The following SLC6A2 variants were observed in gnomAD, a reference collection of about 807,000 sequenced individuals.
SLC6A2 encodes the protein solute carrier family 6 member 2, also known as sodium-dependent noradrenaline transporter.
In SLC6A2, 26 loss-of-function variants were observed where a neutral mutation model predicts 71.7. That is an observed-to-expected ratio of 0.36 (90% CI 0.27 to 0.50). The LOEUF (loss-of-function observed/expected upper bound fraction) is 0.50, where lower values mean the gene tolerates loss of function less well. SLC6A2 is among the 20% of genes least tolerant of loss of function. The pLI is 0.96. For synonymous variants in SLC6A2, 363 were observed against 337.9 expected (o/e 1.07, Z -0.82); for missense variants, 581 against 803.9 (o/e 0.72, Z 3.35).
intron 2 of SLC6A2, among the ~76,000 whole-genome samples, chr16:55,667,788 C>T (rs1964794793): frequency 6.6e-6 from 1 of 152,066 alleles, no homozygotes; most frequent in African/African-American, 2.4e-5. Flanking sequence ...TGATCCTATT[C>T]AGACTCATGT....
intron 3 of SLC6A2, among the ~76,000 whole-genome samples, chr16:55,671,089 TG>T (rs1343938146): frequency 6.6e-6 from 1 of 152,160 alleles, no homozygotes; most frequent in Admixed American, 6.5e-5. Context: ...AGGGAGTGCT[TG>T]CTTGGGTTTC....
intron 5 of SLC6A2, among the ~76,000 whole-genome samples, chr16:55,690,570 T>C (rs546165997): frequency 6.6e-6 from 1 of 152,118 alleles, no homozygotes; most frequent in Non-Finnish European, 1.5e-5. Context: ...TTCAGCTGAG[T>C]CCTCCTTGAG....
In SLC6A2 at chr16:55,697,980, C is replaced by T. The variant is rs148375394; in HGVS notation, c.1344C>T (p.Gly448=). The T allele has an allele frequency of 2.5e-5, 40 of 1,614,148 alleles. No homozygotes were observed. The African/African-American group carries it at 2.5e-4, about 10-fold the overall frequency. ...GACACCGGAAACTCTTCACATTTGG[C>T]GTCACCTTCAGCACTTTCCTTCTCG... ...LKRHRKLFTF[G]VTFSTFLLAL... The change falls in exon 10 of 15, where the codon GGC becomes GGT. Residue 448 remains glycine, a synonymous_variant. Transcript: ENST00000568943.
rs139680023 is a variant in SLC6A2, at chr16:55,701,930, T to A, written c.1826T>A (p.Phe609Tyr). ...GTGGCTCAGAGGGACATCAGACAGT[T>A]CCAGGTGGGTGAAGCCTAGACCCCT... is the stretch of plus-strand genomic sequence containing the variant. ...HLVAQRDIRQ[F>Y]QLQHWLAI Residue 609 changes from phenylalanine (F) to tyrosine (Y), a missense_variant, in exon 14 of 15, where the codon TTC (phenylalanine) becomes TAC (tyrosine). By Grantham distance (22) the Phe-to-Tyr change is conservative (BLOSUM62 3). Around this residue, in one of 5 missense-constraint regions of SLC6A2, gnomAD observed 334 missense variants for 449.0 expected, o/e 0.74. Transcript: ENST00000568943. 1,100 of 1,612,888 alleles carry A rather than the reference T, an allele frequency of 6.8e-4. 6 individuals are homozygous for A. The South Asian group carries it at 8.2e-3, about 12-fold the overall frequency.
At position 55,677,000 on chromosome 16, in the gene SLC6A2, A is replaced by G. The variant is rs554212800; in HGVS notation, c.644+4825A>G. Among the ~76,000 whole-genome samples the G allele has an allele frequency of 1.3e-4, 20 of 152,326 alleles. No individual in the cohort carries two copies. In the South Asian group the frequency reaches 4.1e-3, roughly 32 times the overall value. On this transcript the variant is annotated intron_variant, in intron 4 of 14. Transcript: ENST00000568943. Reference sequence around the variant, plus strand: ...TCATTGGTCCGGGTACAACCAGGGCATAGAAATTTCCATCAGTAGCTCCCC... The same window carrying G: ...TCATTGGTCCGGGTACAACCAGGGCGTAGAAATTTCCATCAGTAGCTCCCC...
At chr16:55,673,135 A>G (rs1418048774) in intron 4 of SLC6A2, among the ~76,000 whole-genome samples, 1 of 152,166 alleles carries the variant, frequency 6.6e-6, no homozygotes, top group Non-Finnish European at 1.5e-5. Context: ...CATGACCTTG[A>G]CACTTGAAAA....
rs7185959 is a variant in SLC6A2 at position 55,664,078 on chromosome 16, G to A, written c.275-5487G>A. ...AATGACATCTCCATAGAAGGCCCAA[G>A]AGGACAGGGTTCAGGAGCTTCAGGA... is the stretch of plus-strand genomic sequence containing the variant. On this transcript the variant is annotated intron_variant, in intron 2 of 14. Coordinates refer to ENST00000568943, the MANE Select transcript of SLC6A2 (RefSeq NM_001172501.3). Among the ~76,000 whole-genome samples the A allele has an allele frequency of 2.6e-3, 391 of 152,266 alleles. 1 individual carries two copies. Among genetic ancestry groups the A allele is most frequent in the African/African-American group, 8.8e-3 (364 of 41,560 alleles).
chr16:55,665,567 G>A (rs1473153001), intron 2 of SLC6A2, among the ~76,000 whole-genome samples: 1 of 152,070 alleles, frequency 6.6e-6, no homozygotes, highest in Non-Finnish European at 1.5e-5. Context: ...CAACAAACTA[G>A]GTGTCAGGGG....
intron 4 of SLC6A2, among the ~76,000 whole-genome samples, chr16:55,679,472 C>A (rs1326704986): frequency 6.6e-6 from 1 of 152,186 alleles, no homozygotes; most frequent in African/African-American, 2.4e-5. Context: ...AGTGATCCAC[C>A]CGCCTTGGCC....
rs1964934774 is a variant in SLC6A2, at chr16:55,672,012, T to C, written c.481T>C (p.Tyr161His). ...YYNVIIAWSL[Y>H]YLFSSFTLNL... ...CAACGTCATCATCGCCTGGTCACTC[T>C]ACTACCTCTTCTCCTCCTTCACCCT... is the stretch of plus-strand genomic sequence containing the variant. Residue 161 changes from tyrosine to histidine, a missense_variant, in exon 4 of 15, where the codon TAC becomes CAC. Coordinates refer to ENST00000568943, the MANE Select transcript of SLC6A2 (RefSeq NM_001172501.3). 2.5e-6 allele frequency: 4 copies of C among 1,614,080 alleles called. No homozygotes were observed. The highest frequency in any genetic ancestry group is 2.7e-5 in the African/African-American group (2 of 74,924).
chr16:55,690,722 A>ATACTCATT (rs1290582394), intron 5 of SLC6A2, among the ~76,000 whole-genome samples: 2 of 152,208 alleles, frequency 1.3e-5, no homozygotes, highest in Non-Finnish European at 2.9e-5. Flanking sequence ...TTTAAAAAAA[A>ATACTCATT]TACTCATTTC....
At chr16:55,686,347 C>T (rs1965451155) in intron 5 of SLC6A2, among the ~76,000 whole-genome samples, 1 of 152,186 alleles carries the variant, frequency 6.6e-6, no homozygotes, top group Non-Finnish European at 1.5e-5. Context: ...CTTCTCACAG[C>T]ATGGCGGCTG....
Position 55,692,137 on chromosome 16 carries a change from G to A in SLC6A2, c.918+85G>A. ...GGTGATGATGGAAAATCTGGTCCCA[G>A]CTCTGCCACAAATGTGCAGTGTAGC... On this transcript the variant is annotated intron_variant, in intron 6 of 14. Coordinates refer to ENST00000568943, the MANE Select transcript of SLC6A2 (RefSeq NM_001172501.3). 4 of 1,482,370 alleles carry A rather than the reference G, an allele frequency of 2.7e-6. No homozygotes were observed. The African/African-American group carries it at 4.1e-5, about 15-fold the overall frequency. The allele number at this position is 1,482,370 out of a possible 1,614,324, so 91.8% of individuals were successfully genotyped here.
In SLC6A2 at chr16:55,700,386, GT is replaced by G. The variant is rs1567459414; in HGVS notation, c.1758+81del. On this transcript the variant is annotated intron_variant, in intron 13 of 14. Coordinates refer to ENST00000568943, the MANE Select transcript of SLC6A2 (RefSeq NM_001172501.3). ...CGGGACGACTCTCATTCCTGTTGGG[GT>G]GGGGGAAGGGACAGAAGGACACAGA... 21 of 1,285,678 alleles carry G rather than the reference GT, an allele frequency of 1.6e-5. No individual in the cohort carries two copies. In the African/African-American group the frequency reaches 2.8e-4, roughly 17 times the overall value. The allele number at this position is 1,285,678 out of a possible 1,614,324, so 79.6% of individuals were successfully genotyped here.
intron 13 of SLC6A2, 118 bp from the exon 14 acceptor site, chr16:55,701,745 T>G (rs1396922389): frequency 1.3e-6 from 1 of 786,828 alleles, no homozygotes; most frequent in Non-Finnish European, 2.3e-6. Context: ...CCCCAAATGC[T>G]ATCCATGTGG....
chr16:55,703,982 A>G lies in SLC6A2; in HGVS notation c.*1636A>G, dbSNP rs975110554. 1 of 189,200 alleles carries G rather than the reference A, an allele frequency of 5.3e-6. No individual in the cohort carries two copies. The highest frequency in any genetic ancestry group is 2.4e-5 in the African/African-American group (1 of 42,046). 11.7% of individuals were successfully genotyped at this position (189,200 alleles called of 1,614,324 possible). ...ATCAGGAGACTTTGAATCTTTCTGT[A>G]TAAAAAGGTCAGCTGAATGCCTGAG... is the stretch of plus-strand genomic sequence containing the variant. On this transcript the variant is annotated 3_prime_UTR_variant, in exon 15 of 15. Coordinates refer to ENST00000568943, the MANE Select transcript of SLC6A2 (RefSeq NM_001172501.3).
chr16:55,658,693 A>G (rs1964527352), intron 2 of SLC6A2, among the ~76,000 whole-genome samples: 1 of 152,170 alleles, frequency 6.6e-6, no homozygotes, highest in South Asian at 2.1e-4. Flanking sequence ...TGTCATTGTC[A>G]GATACTCTGA....
intron 6 of SLC6A2, 101 bp from the exon 7 acceptor site, chr16:55,693,909 G>A: frequency 1.2e-6 from 1 of 831,712 alleles, no homozygotes; most frequent in Non-Finnish European, 2.1e-6. Flanking sequence ...TGTTTCCTCT[G>A]GTCTCAGAGC....
At chr16:55,669,905 C>G (rs754919837) in intron 3 of SLC6A2, among the ~76,000 whole-genome samples, 5 of 152,142 alleles carry the variant, frequency 3.3e-5, no homozygotes, top group Non-Finnish European at 5.9e-5. Context: ...TTCTGGAAAC[C>G]TGGGTTCTAA....
Sources: gnomAD v4.1 joint callset for allele counts (sites outside exome capture counted in the v4.1 genomes callset) on GRCh38, gnomAD v4.1.1 for gene constraint, gnomAD v4.1.1 regional missense constraint, MANE v1.5 for transcripts, NCBI Gene and HGNC (gene_info 2026-07-23, HGNC 2026-07-21) for gene names.